The following LINGO2 variants were observed in gnomAD, a reference collection of about 807,000 sequenced individuals.
LINGO2 encodes leucine-rich repeat and immunoglobulin-like domain-containing nogo receptor-interacting protein 2.
LINGO2 carries 14 observed loss-of-function variants against 30.6 expected under a neutral mutation model. The observed-to-expected ratio is 0.46, with a 90% CI of 0.30 to 0.72. The LOEUF is 0.72. Among genes scored for constraint, LINGO2 ranks in the 30% least tolerant of loss-of-function variants. The probability of loss-of-function intolerance (pLI) is 0.07; values close to 1 mark genes in which losing one functional copy is unlikely to be tolerated. For missense variants in LINGO2, 729 were observed against 751.7 expected (o/e 0.97, Z 0.35); for synonymous variants, 317 against 288.5 (o/e 1.10, Z -1.00).
At chr9:28,653,260 A>G (rs1345198601) in intron 1 of LINGO2, among the ~76,000 whole-genome samples, 1 of 152,144 alleles carries the variant, frequency 6.6e-6, no homozygotes, top group Non-Finnish European at 1.5e-5. Context: ...AGGCAGATGA[A>G]AGCCCCATAA....
At chr9:28,559,663 T>C (rs1292369577) in intron 1 of LINGO2, among the ~76,000 whole-genome samples, 2 of 152,138 alleles carry the variant, frequency 1.3e-5, no homozygotes, top group African/African-American at 4.8e-5. Context: ...CAATCAAAAT[T>C]CTCTTTTTTT....
At chr9:28,735,572 A>G in the LINGO2 span, among the ~76,000 whole-genome samples, 11 of 152,230 alleles carry the variant, frequency 7.2e-5, no homozygotes, top group Middle Eastern at 3.4e-3. Flanking sequence ...AAATCATACA[A>G]TGGTTAGGTA....
chr9:27,946,694 T>C (rs985327906), downstream of LINGO2, among the ~76,000 whole-genome samples: 5 of 152,162 alleles, frequency 3.3e-5, no homozygotes, highest in South Asian at 2.1e-4. Flanking sequence ...GGATTTGTGA[T>C]AGAGTTTGCA....
chr9:28,297,532 T>C (rs1484346797), intron 3 of LINGO2, among the ~76,000 whole-genome samples: 1 of 152,146 alleles, frequency 6.6e-6, no homozygotes, highest in Non-Finnish European at 1.5e-5. Context: ...GGCAGCAATA[T>C]TACATCCAAT....
At chr9:28,900,183 C>T in the LINGO2 span, among the ~76,000 whole-genome samples, 1 of 152,094 alleles carries the variant, frequency 6.6e-6, no homozygotes, top group Non-Finnish European at 1.5e-5. Context: ...GGTTCCATGC[C>T]ATCCCCAGCA....
the LINGO2 span, among the ~76,000 whole-genome samples, chr9:29,077,021 T>G: frequency 6.6e-6 from 1 of 152,126 alleles, no homozygotes; most frequent in African/African-American, 2.4e-5. Context: ...TATCAATGTC[T>G]GGTGGTGGTA....
At chr9:28,251,403 G>A (rs1022618168) in intron 4 of LINGO2, among the ~76,000 whole-genome samples, 34 of 152,072 alleles carry the variant, frequency 2.2e-4, no homozygotes, top group African/African-American at 8.2e-4. Flanking sequence ...TTGGATAAAG[G>A]CAATTAGTAA....
the LINGO2 span, among the ~76,000 whole-genome samples, chr9:28,854,680 C>T: frequency 4.6e-5 from 7 of 151,992 alleles, no homozygotes; most frequent in East Asian, 9.7e-4. Context: ...TAATATGAAA[C>T]GGTGCCTTTG....
rs36056351 is a variant in LINGO2 at position 28,425,327 on chromosome 9, G to GTT, written c.-279+50612_-279+50613insAA. On this transcript the variant is annotated intron_variant, in intron 2 of 5. Transcript: ENST00000379992. ...GTGTATACACAGTATATATGTGTGT[G>GTT]TGTATATATATATATATAAACACAT... Among the ~76,000 whole-genome samples, 889 of 124,550 alleles carry GTT rather than the reference G, an allele frequency of 7.1e-3. 5 individuals are homozygous for GTT. Among genetic ancestry groups the GTT allele is most frequent in the African/African-American group, 0.019 (637 of 34,134 alleles). 81.7% of individuals were successfully genotyped at this position (124,550 alleles called of 152,430 possible).
intron 1 of LINGO2, among the ~76,000 whole-genome samples, chr9:28,635,214 C>T (rs943883200): frequency 6.6e-6 from 1 of 152,118 alleles, no homozygotes; most frequent in African/African-American, 2.4e-5. Flanking sequence ...TCACTTATAA[C>T]CAAAAGAGCC....
At chr9:28,146,068 G>T (rs1827804328) in intron 4 of LINGO2, among the ~76,000 whole-genome samples, 2 of 152,174 alleles carry the variant, frequency 1.3e-5, no homozygotes, top group African/African-American at 4.8e-5. Context: ...TTTTTAAATA[G>T]AATCTCAAGA....
chr9:28,493,409 G>C (rs1826479989), intron 1 of LINGO2, among the ~76,000 whole-genome samples: 1 of 152,058 alleles, frequency 6.6e-6, no homozygotes, highest in Admixed American at 6.6e-5. Context: ...TATTCAGTAG[G>C]CATTCAGCTA....
the LINGO2 span, among the ~76,000 whole-genome samples, chr9:29,130,138 A>C: frequency 6.6e-6 from 1 of 152,144 alleles, no homozygotes; most frequent in Non-Finnish European, 1.5e-5. Context: ...ATGTTGGCTA[A>C]AGTTAAGAGA....
the LINGO2 span, among the ~76,000 whole-genome samples, chr9:28,766,413 T>C: frequency 1.3e-5 from 2 of 149,004 alleles, no homozygotes; most frequent in Non-Finnish European, 3.0e-5. Context: ...AGCCACCTGA[T>C]AGAATGGCTA....
At chr9:28,230,122 T>G (rs1367283210) in intron 4 of LINGO2, among the ~76,000 whole-genome samples, 1 of 151,832 alleles carries the variant, frequency 6.6e-6, no homozygotes, top group Non-Finnish European at 1.5e-5. Context: ...TCTAAAAACT[T>G]TCTTTGTAAG....
At chr9:28,160,413 A>G (rs1319251315) in intron 4 of LINGO2, among the ~76,000 whole-genome samples, 5 of 152,230 alleles carry the variant, frequency 3.3e-5, no homozygotes, top group Admixed American at 2.0e-4. Context: ...CAAATTATTT[A>G]TTGCCTCTCC....
At chr9:27,965,746 C>G (rs1276074244) in intron 5 of LINGO2, among the ~76,000 whole-genome samples, 4 of 151,876 alleles carry the variant, frequency 2.6e-5, no homozygotes, top group East Asian at 1.9e-4. Flanking sequence ...TATAGTATGC[C>G]TATTCTACTT....
intron 4 of LINGO2, among the ~76,000 whole-genome samples, chr9:28,024,502 C>A (rs1823282368): frequency 6.6e-6 from 1 of 152,136 alleles, no homozygotes; most frequent in Non-Finnish European, 1.5e-5. Flanking sequence ...CTTGTTCAGG[C>A]TTTGATGGAA....
chr9:27,958,459 G>A (rs374928700), intron 5 of LINGO2, among the ~76,000 whole-genome samples: 13 of 151,972 alleles, frequency 8.6e-5, no homozygotes, highest in South Asian at 2.1e-4. Context: ...TAGCCCCTCC[G>A]TATTCATGAT....
Sources: gnomAD v4.1 joint callset for allele counts (sites outside exome capture counted in the v4.1 genomes callset) on GRCh38, gnomAD v4.1.1 for gene constraint, MANE v1.5 for transcripts, NCBI Gene and HGNC (gene_info 2026-07-23, HGNC 2026-07-21) for gene names.